The following CYRIB variants were observed in gnomAD, a reference collection of about 807,000 sequenced individuals.
CYRIB encodes the protein CYFIP-related Rac1 interactor B.
CYRIB carries 8 observed loss-of-function variants against 44.2 expected under a neutral mutation model. That is an observed-to-expected ratio of 0.18 (90% confidence interval 0.11 to 0.33). The LOEUF is 0.33. CYRIB is among the 10% of genes least tolerant of loss of function. The pLI is 1.00. For missense variants in CYRIB, 185 were observed against 382.8 expected, an observed-to-expected ratio of 0.48 and a Z score of 4.31; for synonymous variants, 131 against 127.2, an observed-to-expected ratio of 1.03 and a Z score of -0.20.
chr8:129,930,041 T>A (rs1303085017), intron 1 of CYRIB, among the ~76,000 whole-genome samples: 1 of 151,780 alleles, frequency 6.6e-6, no homozygotes, highest in Admixed American at 6.6e-5. Flanking sequence ...TGAAACCCCA[T>A]CTCTACTAAA....
intron 2 of CYRIB, chr8:129,949,161 T>A (rs890091742): frequency 6.6e-6 from 1 of 152,110 alleles, no homozygotes; most frequent in Non-Finnish European, 1.5e-5. Flanking sequence ...GTGTATTAAT[T>A]TATCAATGCC....
At chr8:130,003,030 A>G (rs6470789) in intron 1 of CYRIB, among the ~76,000 whole-genome samples, 88,227 of 152,124 alleles carry the variant, frequency 0.58, 28,016 homozygotes, top group African/African-American at 0.86. Flanking sequence ...AGTATCTGTA[A>G]TTACTCCAGA....
chr8:129,919,334 C>T (rs1238058499), intron 1 of CYRIB, among the ~76,000 whole-genome samples: 1 of 152,130 alleles, frequency 6.6e-6, no homozygotes, highest in Non-Finnish European at 1.5e-5. Flanking sequence ...ATACTTTTGT[C>T]ACATAGTGTT....
intron 4 of CYRIB, among the ~76,000 whole-genome samples, chr8:129,864,207 T>C (rs2051961410): frequency 6.6e-6 from 1 of 152,226 alleles, no homozygotes; most frequent in African/African-American, 2.4e-5. Flanking sequence ...CTGAAGTCAA[T>C]CCTACTTATG....
chr8:129,938,963 G>C (rs1564227857), intron 1 of CYRIB, among the ~76,000 whole-genome samples: 1 of 152,162 alleles, frequency 6.6e-6, no homozygotes, highest in Non-Finnish European at 1.5e-5. Context: ...AACACACTAA[G>C]ACCACACCCT....
At chr8:129,966,910 G>T (rs2095499232) in intron 2 of CYRIB, among the ~76,000 whole-genome samples, 1 of 151,994 alleles carries the variant, frequency 6.6e-6, no homozygotes, top group African/African-American at 2.4e-5. Context: ...GCCCAGGCTG[G>T]TCTTAAACTC....
At chr8:129,942,041 G>A (rs778098788), upstream of CYRIB, among the ~76,000 whole-genome samples, 38 of 152,110 alleles carry the variant, frequency 2.5e-4, no homozygotes, top group Admixed American at 6.6e-5. Flanking sequence ...ACTGAGAAGT[G>A]ATAATAATAA....
chr8:129,903,572 G>A (rs2073519965), intron 1 of CYRIB, among the ~76,000 whole-genome samples: 1 of 151,212 alleles, frequency 6.6e-6, no homozygotes, highest in South Asian at 2.1e-4. Flanking sequence ...AACAACAATA[G>A]GTAAGACAAC....
intron 1 of CYRIB, among the ~76,000 whole-genome samples, chr8:129,930,365 T>TA (rs2090532178): frequency 2.0e-5 from 1 of 50,438 alleles, no homozygotes; most frequent in Non-Finnish European, 4.0e-5. Flanking sequence ...TGTGAAGTGC[T>TA]TATATATATA....
chr8:129,865,031 G>GT (rs1209519323), intron 4 of CYRIB: 10 of 170,316 alleles, frequency 5.9e-5, no homozygotes, highest in Non-Finnish European at 7.5e-5. Flanking sequence ...CTTGGAGAAG[G>GT]TAGAATGCTC....
intron 2 of CYRIB, among the ~76,000 whole-genome samples, chr8:129,899,878 A>C (rs988273814): frequency 6.6e-6 from 1 of 152,184 alleles, no homozygotes; most frequent in Non-Finnish European, 1.5e-5. Context: ...GCCTTTGTGT[A>C]AGGATATGGT....
At chr8:129,980,596 G>A (rs1167450641) in intron 1 of CYRIB, among the ~76,000 whole-genome samples, 43 of 151,782 alleles carry the variant, frequency 2.8e-4, no homozygotes, top group African/African-American at 1.0e-3. Flanking sequence ...CCTGGGAGGC[G>A]GAGGTTGCAG....
intron 1 of CYRIB, among the ~76,000 whole-genome samples, chr8:129,905,382 T>C (rs1268314998): frequency 6.6e-6 from 1 of 152,178 alleles, no homozygotes; most frequent in African/African-American, 2.4e-5. Flanking sequence ...CATTCCCCGC[T>C]AATTTTTTGT....
At chr8:129,898,913 G>A (rs2069828140) in intron 2 of CYRIB, among the ~76,000 whole-genome samples, 1 of 151,864 alleles carries the variant, frequency 6.6e-6, no homozygotes, top group Non-Finnish European at 1.5e-5. Flanking sequence ...CCCAGGCTGG[G>A]GAGTGCAGTG....
intron 1 of CYRIB, among the ~76,000 whole-genome samples, chr8:130,006,662 GTATA>G (rs1235935230): frequency 1.8e-5 from 2 of 109,552 alleles, no homozygotes; most frequent in African/African-American, 3.2e-5. Flanking sequence ...ATATATATAT[GTATA>G]TATATATGTA....
intron 2 of CYRIB, among the ~76,000 whole-genome samples, chr8:129,889,195 T>A (rs1366928909): frequency 1.3e-5 from 2 of 152,184 alleles, no homozygotes; most frequent in African/African-American, 4.8e-5. Context: ...AGCATATCTG[T>A]TTACAGCATG....
chr8:129,979,782 A>G (rs1383177445), intron 1 of CYRIB, among the ~76,000 whole-genome samples: 1 of 152,260 alleles, frequency 6.6e-6, no homozygotes, highest in East Asian at 1.9e-4. Flanking sequence ...TTGGCCTGGC[A>G]TGGTGGCAGG....
At chr8:129,881,689 C>T (rs1178053853) in intron 2 of CYRIB, among the ~76,000 whole-genome samples, 2 of 152,150 alleles carry the variant, frequency 1.3e-5, no homozygotes, top group African/African-American at 4.8e-5. Context: ...AAACAATATT[C>T]CCCCAATGGG....
In CYRIB at chr8:130,009,294, T is replaced by G. The variant is rs149804808; in HGVS notation, c.-296+7076A>C. Among the ~76,000 whole-genome samples, 1,298 of 149,200 alleles carry G rather than the reference T, an allele frequency of 8.7e-3. 21 individuals are homozygous for G. Among genetic ancestry groups the G allele is most frequent in the Non-Finnish European group, 0.01 (678 of 67,480 alleles). ...CTTTTTTTTTTTTTTTGAGACAGAG[T>G]TTCCCTCTTGTCACCCAGGCTGGAG... On this transcript the variant is annotated intron_variant, in intron 1 of 14. Transcript: ENST00000401979.
Sources: allele counts gnomAD v4.1 joint callset (sites outside exome capture counted in the v4.1 genomes callset), GRCh38; gene constraint gnomAD v4.1.1; transcripts MANE v1.5; gene names NCBI Gene and HGNC (gene_info 2026-07-23, HGNC 2026-07-21).